ZNF318: variants seen among roughly 807,000 people sequenced by gnomAD.
The protein encoded by ZNF318 is zinc finger protein 318.
Under a neutral mutation model 124.2 loss-of-function variants are expected in ZNF318, and 51 were observed. That is an observed-to-expected ratio of 0.41 (90% CI 0.33 to 0.52). ZNF318 has a LOEUF of 0.52. ZNF318 is among the 20% of genes least tolerant of loss of function. The pLI is 0.23. For synonymous variants in ZNF318, 1,090 were observed against 1,040.7 expected (o/e 1.05, Z -0.91); for missense variants, 2,815 against 2,811.2 (o/e 1.00, Z -0.03).
In ZNF318 at chr6:43,354,680, G is replaced by C; in HGVS notation, c.2654C>G (p.Ala885Gly). ...AATATTCACCTTTTGCTTCTGGGAA[G>C]CACGGTTCTTCTCATCAGAGATCTT... ...PEKISDEKNR[A>G]SQKQKVIEER... The change falls in exon 4 of 10, where the codon GCT becomes GGT. Residue 885 changes from alanine to glycine, a missense_variant. Around this residue, in one of 4 missense-constraint regions of ZNF318, gnomAD observed 1,377 missense variants for 1,353.5 expected, o/e 1.02. Transcript: ENST00000361428. The C allele has an allele frequency of 6.2e-7, 1 of 1,606,352 alleles. No individual in the cohort carries two copies.
intron 5 of ZNF318, among the ~76,000 whole-genome samples, chr6:43,350,353 T>A (rs1414256012): frequency 6.6e-6 from 1 of 152,050 alleles, no homozygotes. Flanking sequence ...TTGGCCAAAT[T>A]TGGAACAATT....
rs556463163 is a variant in ZNF318 at position 43,356,021 on chromosome 6, A to G, written c.1313T>C (p.Met438Thr). ...AGGTTCCTTCAAGGCAGTCTCTACC[A>G]TAGTCCCCTTGTTTTCAATCTCTGA... ...FASEIENKGT[M>T]VETALKEPQG... The change falls in exon 4 of 10, where the codon ATG becomes ACG. Residue 438 changes from methionine (M) to threonine (T), a missense_variant. By Grantham distance (81) the Met-to-Thr change is moderately conservative (BLOSUM62 -1). Transcript: ENST00000361428. The G allele has an allele frequency of 2.5e-6, 4 of 1,614,218 alleles. No individual in the cohort carries two copies. The highest frequency in any genetic ancestry group is 1.3e-5 in the African/African-American group (1 of 75,054).
intron 6 of ZNF318, among the ~76,000 whole-genome samples, chr6:43,343,766 T>A (rs576500361): frequency 6.9e-6 from 1 of 144,670 alleles, no homozygotes; most frequent in African/African-American, 2.6e-5. Flanking sequence ...GAGGCGGAGG[T>A]TGCAGTAAGA....
At chr6:43,368,941 G>T (rs747820722) in intron 1 of ZNF318, 26 bp downstream of exon 1, 2 of 1,365,190 alleles carry the variant, frequency 1.5e-6, no homozygotes, top group Non-Finnish European at 9.5e-7. Flanking sequence ...GGGATGGAGG[G>T]AGTCCTGGAC....
At chr6:43,351,258 GATAA>G (rs1779520584) in intron 5 of ZNF318, among the ~76,000 whole-genome samples, 1 of 152,180 alleles carries the variant, frequency 6.6e-6, no homozygotes, top group Non-Finnish European at 1.5e-5. Flanking sequence ...AACTGAATGT[GATAA>G]ATAATCTTGC....
At chr6:43,359,805 G>A (rs1359931449) in intron 2 of ZNF318, among the ~76,000 whole-genome samples, 2 of 152,292 alleles carry the variant, frequency 1.3e-5, no homozygotes, top group East Asian at 3.9e-4. Flanking sequence ...CCACCTGTGG[G>A]AATCCAGGTT....
At chr6:43,362,712 C>T (rs1779699433) in intron 2 of ZNF318, among the ~76,000 whole-genome samples, 2 of 151,802 alleles carry the variant, frequency 1.3e-5, no homozygotes, top group African/African-American at 2.4e-5. Context: ...TCATGTTGGC[C>T]AGGATGGTCT....
intron 5 of ZNF318, among the ~76,000 whole-genome samples, chr6:43,352,084 T>C (rs1468194002): frequency 3.5e-5 from 4 of 113,762 alleles, no homozygotes; most frequent in African/African-American, 8.5e-5. Context: ...ACAGAGGTTG[T>C]AGTGAGCCAA....
At chr6:43,349,799 A>G (rs953017892) in intron 5 of ZNF318, among the ~76,000 whole-genome samples, 1 of 152,120 alleles carries the variant, frequency 6.6e-6, no homozygotes, top group African/African-American at 2.4e-5. Context: ...AAATTTAAGG[A>G]AAGACCAGAC....
intron 6 of ZNF318, among the ~76,000 whole-genome samples, chr6:43,343,197 A>T (rs931165308): frequency 8.5e-5 from 13 of 152,206 alleles, no homozygotes; most frequent in African/African-American, 2.9e-4. Flanking sequence ...AGTGGAGAAC[A>T]AGGATGGGTA....
chr6:43,360,920 A>G (rs1779673155), intron 2 of ZNF318, among the ~76,000 whole-genome samples: 1 of 152,178 alleles, frequency 6.6e-6, no homozygotes, highest in Non-Finnish European at 1.5e-5. Context: ...GTGATTGCCT[A>G]TGGCTGGGGG....
intron 1 of ZNF318, chr6:43,368,562 G>T: frequency 2.9e-6 from 2 of 698,712 alleles, no homozygotes; most frequent in Non-Finnish European, 3.5e-6. Flanking sequence ...GGACATTTCG[G>T]CTTTTTCCCC....
intron 2 of ZNF318, among the ~76,000 whole-genome samples, chr6:43,362,236 C>T (rs539288163): frequency 2.6e-5 from 4 of 152,040 alleles, no homozygotes; most frequent in African/African-American, 9.6e-5. Context: ...CCAAGGTGGA[C>T]GGATCACGAG....
intron 2 of ZNF318, chr6:43,363,860 CTGCCA>C: frequency 2.4e-6 from 2 of 827,692 alleles, no homozygotes; most frequent in Non-Finnish European, 4.0e-6. Context: ...GAGGTGGCCA[CTGCCA>C]CCTGCGGGGC....
chr6:43,362,523 T>TC (rs1312913086), intron 2 of ZNF318, among the ~76,000 whole-genome samples: 13 of 135,514 alleles, frequency 9.6e-5, no homozygotes, highest in Admixed American at 8.7e-4. Flanking sequence ...CACGTCTTTT[T>TC]TTTTTTTTTT....
In ZNF318 at chr6:43,354,532, G is replaced by A. The variant is rs749753171; in HGVS notation, c.2670+132C>T. 2.3e-4 allele frequency: 180 copies of A among 770,980 alleles called. 1 individual carries two copies. The highest frequency in any genetic ancestry group is 3.6e-4 in the Non-Finnish European group (172 of 475,696). The allele number at this position is 770,980 out of a possible 1,614,324, so 47.8% of individuals were successfully genotyped here. ...CAGAGGAACAATATACACTTCTTAG[G>A]ATGATGACAGCAGCCTCCAGACGAC... On this transcript the variant is annotated intron_variant, in intron 4 of 9. Transcript: ENST00000361428.
intron 2 of ZNF318, among the ~76,000 whole-genome samples, chr6:43,361,717 C>T (rs1045176350): frequency 6.6e-6 from 1 of 152,114 alleles, no homozygotes; most frequent in African/African-American, 2.4e-5. Flanking sequence ...TTTCATGTTC[C>T]CTTTTGAGTA....
chr6:43,339,146 A>G lies in ZNF318; in HGVS notation c.4852T>C (p.Leu1618=). The change falls in exon 10 of 10, where the codon TTG becomes CTG. Residue 1618 remains leucine, a synonymous_variant. Transcript: ENST00000361428. The surrounding 1 kb of genome is among the most constrained non-coding windows in gnomAD (Gnocchi z 4.2). ...TCCTCTTGGGATGCACTGCTGTTCA[A>G]AGGAGAAGTAGAAGAGGTGTCTGAA... ...KSSDTSSTSP[L]NSSASQEELH... 6.2e-7 allele frequency: 1 copy of G among 1,614,200 alleles called. No homozygotes were observed. Among genetic ancestry groups the G allele is most frequent in the Non-Finnish European group, 8.5e-7 (1 of 1,180,040 alleles).
Position 43,339,956 on chromosome 6 carries a change from T to C in ZNF318, c.4042A>G (p.Ile1348Val), listed in dbSNP as rs1779347989. ...PVVTTSTQTK[I>V]RPNLPIPSTV... ...GATGGAATAGGCAGGTTGGGTCGGA[T>C]CTTAGTCTGTGTGGAAGTTGTCACA... Residue 1348 changes from isoleucine (I) to valine (V), a missense_variant, in exon 10 of 10, where the codon ATC (isoleucine) becomes GTC (valine). Ile to Val is a conservative substitution (Grantham distance 29, BLOSUM62 3). This residue lies in a region of ZNF318 where 500 missense variants were observed against 605.2 expected (regional missense o/e 0.83). Transcript: ENST00000361428. This position sits in a 1 kb window ranked among gnomAD's most constrained non-coding sequence, Gnocchi z 4.2. 2.5e-6 allele frequency: 4 copies of C among 1,614,044 alleles called. No individual in the cohort carries two copies. The African/African-American group carries it at 4.0e-5, about 16-fold the overall frequency.
Sources: gnomAD v4.1 joint callset for allele counts (sites outside exome capture counted in the v4.1 genomes callset) on GRCh38, gnomAD v4.1.1 for gene constraint, gnomAD v4.1.1 regional missense constraint, Gnocchi (gnomAD v3.1) non-coding constraint, MANE v1.5 for transcripts, NCBI Gene and HGNC (gene_info 2026-07-23, HGNC 2026-07-21) for gene names.